Variants in TNXB observed in about 807,000 individuals in gnomAD.
TNXB encodes tenascin XB.
In TNXB, 183 loss-of-function variants were observed where a neutral mutation model predicts 340.5. The ratio of observed to expected loss-of-function variants is 0.54; its 90% confidence interval spans 0.48 to 0.61. TNXB has a LOEUF of 0.61. Among genes scored for constraint, TNXB ranks in the 20% least tolerant of loss-of-function variants. TNXB has a pLI of 0.00. For missense variants in TNXB, 4,613 were observed against 5,446.4 expected (o/e 0.85, Z 4.82); for synonymous variants, 2,121 against 2,314.5 (o/e 0.92, Z 2.40).
At position 32,053,822 on chromosome 6, in the gene TNXB, G is replaced by A. The variant is rs546233179; in HGVS notation, c.8468-111C>T. 1.2e-4 allele frequency: 148 copies of A among 1,252,476 alleles called. 1 individual carries two copies. The South Asian group carries it at 1.7e-3, about 14-fold the overall frequency. The allele number at this position is 1,252,476 out of a possible 1,614,324, so 77.6% of individuals were successfully genotyped here. A position where few individuals can be genotyped will look rare whatever the true frequency, so the allele number is the denominator to read the frequency against. ...AGAGCAGGACGATGCTGCCCACAGC[G>A]CCTCCAGCACAGCTCTTCATCCTCT... is the stretch of plus-strand genomic sequence containing the variant. On this transcript the variant is annotated intron_variant, in intron 24 of 43. Coordinates refer to ENST00000644971, the MANE Select transcript of TNXB (RefSeq NM_001365276.2).
chr6:32,083,200 C>T lies in TNXB; in HGVS notation c.3446-874G>A, dbSNP rs1428739632. ...CCTCCTTCCTGGAGTCCAGACAGCA[C>T]CCTCCCTGGTTCTGCCCCTCCCTGC... On this transcript the variant is annotated intron_variant, in intron 8 of 43. Coordinates refer to ENST00000644971, the MANE Select transcript of TNXB (RefSeq NM_001365276.2). This position sits in a 1 kb window ranked among gnomAD's most constrained non-coding sequence, Gnocchi z 4.6. 6.6e-6 allele frequency among the ~76,000 whole-genome samples: 1 copy of T among 152,138 alleles called. No individual in the cohort carries two copies. Among genetic ancestry groups the T allele is most frequent in the Non-Finnish European group, 1.5e-5 (1 of 68,030 alleles).
chr6:32,061,279 G>T lies in TNXB; in HGVS notation c.7492+118C>A. 6.9e-7 allele frequency: 1 copy of T among 1,442,418 alleles called. No individual in the cohort carries two copies. The highest frequency in any genetic ancestry group is 9.3e-7 in the Non-Finnish European group (1 of 1,072,966). The allele number at this position is 1,442,418 out of a possible 1,614,324, so 89.4% of individuals were successfully genotyped here. A position where few individuals can be genotyped will look rare whatever the true frequency, so the allele number is the denominator to read the frequency against. On this transcript the variant is annotated intron_variant, in intron 21 of 43. Transcript: ENST00000644971. The surrounding 1 kb of genome is among the most constrained non-coding windows in gnomAD (Gnocchi z 4.4). ...ATAGGCCACAGCCACAGGGCACAGAGGGAGGGCAGGACACAGGAGACAAGT... is the reference window on the plus strand; with the variant it reads ...ATAGGCCACAGCCACAGGGCACAGATGGAGGGCAGGACACAGGAGACAAGT...
In TNXB at chr6:32,084,772, T is replaced by G; in HGVS notation, c.3149-63A>C. Reference sequence around the variant, plus strand: ...CAACCGTTCTCTTGTCTGTGTCTCCTTCCCTCTCCCCTGCCCACCTCACTC... The same window carrying G: ...CAACCGTTCTCTTGTCTGTGTCTCCGTCCCTCTCCCCTGCCCACCTCACTC... On this transcript the variant is annotated intron_variant, in intron 7 of 43. Transcript: ENST00000644971. The surrounding 1 kb of genome is among the most constrained non-coding windows in gnomAD (Gnocchi z 5.5). 3.5e-6 allele frequency: 5 copies of G among 1,420,784 alleles called. No homozygotes were observed. The highest frequency in any genetic ancestry group is 3.7e-6 in the Non-Finnish European group (4 of 1,069,258). 88.0% of individuals were successfully genotyped at this position (1,420,784 alleles called of 1,614,324 possible).
intron 1 of TNXB, among the ~76,000 whole-genome samples, chr6:32,103,608 C>G (rs959310057): frequency 9.9e-5 from 15 of 152,096 alleles, no homozygotes; most frequent in African/African-American, 3.6e-4. Context: ...TCCAACCCAC[C>G]AAACAGCTCC....
At position 32,069,424 on chromosome 6, in the gene TNXB, G is replaced by C. The variant is rs557821162; in HGVS notation, c.5587+129C>G. The stretch of plus-strand genomic sequence containing the variant: ...GGGACTGGGGCAACTGACTCTAAAG[G>C]GGCACAAGGAAACTTTCTGGATCAA... On this transcript the variant is annotated intron_variant, in intron 15 of 43. Transcript: ENST00000644971. The surrounding 1 kb of genome is among the most constrained non-coding windows in gnomAD (Gnocchi z 6.2). 1 of 1,168,920 alleles carries C rather than the reference G, an allele frequency of 8.6e-7. No homozygotes were observed. The highest frequency in any genetic ancestry group is 1.5e-5 in the African/African-American group (1 of 64,676). 72.4% of individuals were successfully genotyped at this position (1,168,920 alleles called of 1,614,324 possible). A position where few individuals can be genotyped will look rare whatever the true frequency, so the allele number is the denominator to read the frequency against.
Position 32,087,069 on chromosome 6 carries a change from G to T in TNXB, c.2780-951C>A, listed in dbSNP as rs978367060. On this transcript the variant is annotated intron_variant, in intron 6 of 43. Coordinates refer to ENST00000644971, the MANE Select transcript of TNXB (RefSeq NM_001365276.2). This position sits in a 1 kb window ranked among gnomAD's most constrained non-coding sequence, Gnocchi z 9.0. ...GATGCCAGGACCCTGGGGTGGGGAC[G>T]TCTTCTAGGGACAATGGACTCGTGC... 1.3e-5 allele frequency among the ~76,000 whole-genome samples: 2 copies of T among 152,266 alleles called. No homozygotes were observed. Among genetic ancestry groups the T allele is most frequent in the Non-Finnish European group, 2.9e-5 (2 of 68,052 alleles).
At position 32,046,183 on chromosome 6, in the gene TNXB, C is replaced by T. The variant is rs1371142796; in HGVS notation, c.10598G>A (p.Gly3533Glu). The change falls in exon 31 of 44, where the codon GGA becomes GAA. Residue 3533 changes from glycine to glutamate, a missense_variant. By Grantham distance (98) the Gly-to-Glu change is moderately conservative (BLOSUM62 -2). Around this residue, in one of 7 missense-constraint regions of TNXB, gnomAD observed 4,327 missense variants for 4,859.4 expected, o/e 0.89. Coordinates refer to ENST00000644971, the MANE Select transcript of TNXB (RefSeq NM_001365276.2). This position sits in a 1 kb window ranked among gnomAD's most constrained non-coding sequence, Gnocchi z 6.9. ...GKRLGPVSAL[G>E]MTAPEEDTPA... ...AGGCACAGCAGCCTCACCTGTCATT[C>T]CCAGGGCAGAGACCGGGCCCAGGCG... The T allele has an allele frequency of 6.3e-7, 1 of 1,582,472 alleles. No individual in the cohort carries two copies. Among genetic ancestry groups the T allele is most frequent in the Admixed American group, 1.7e-5 (1 of 59,618 alleles).
At position 32,081,653 on chromosome 6, in the gene TNXB, G is replaced by T. The variant is rs1438661354; in HGVS notation, c.3757C>A (p.Pro1253Thr). 6.3e-7 allele frequency: 1 copy of T among 1,588,474 alleles called. No individual in the cohort carries two copies. The highest frequency in any genetic ancestry group is 1.3e-5 in the African/African-American group (1 of 74,612). ...GTTAPERKEE[P>T]PRPEFLEQPL... ...TGCTCCAGGAACTCAGGGCGGGGGG[G>T]CTCCTCTTTCCTCTCTGGAGCTGTA... Residue 1253 changes from proline (P) to threonine (T), a missense_variant, in exon 10 of 44, where the codon CCC becomes ACC. This residue lies in a region of TNXB where 4,327 missense variants were observed against 4,859.4 expected (regional missense o/e 0.89). Transcript: ENST00000644971. This position sits in a 1 kb window ranked among gnomAD's most constrained non-coding sequence, Gnocchi z 5.1.
chr6:32,048,318 G>C, intron 29 of TNXB, 45 bp downstream of exon 29: 1 of 1,471,446 alleles, frequency 6.8e-7, no homozygotes, highest in Non-Finnish European at 9.0e-7. Context: ...GGTGCCACAA[G>C]GGGGCGAAGG....
rs2151915835 is a variant in TNXB, at chr6:32,069,524, C to T, written c.5587+29G>A. ...CCAGGAGAGCCAGGCGGGAAGGAGG[C>T]ACAGGTGTTCCAGCTGCCGCACACT... On this transcript the variant is annotated intron_variant, in intron 15 of 43. Transcript: ENST00000644971. This position sits in a 1 kb window ranked among gnomAD's most constrained non-coding sequence, Gnocchi z 6.2. 1 of 1,529,086 alleles carries T rather than the reference C, an allele frequency of 6.5e-7. No homozygotes were observed. The highest frequency in any genetic ancestry group is 8.8e-7 in the Non-Finnish European group (1 of 1,135,998). The allele number at this position is 1,529,086 out of a possible 1,614,324, so 94.7% of individuals were successfully genotyped here.
At position 32,046,114 on chromosome 6, in the gene TNXB, C is replaced by A. The variant is rs11968543; in HGVS notation, c.10606+61G>T. ...CTCCTGCAGTCATCTTTGTCTTCAGCCCAAATGCACAAGGAAACCCACACA... is the reference window on the plus strand; with the variant it reads ...CTCCTGCAGTCATCTTTGTCTTCAGACCAAATGCACAAGGAAACCCACACA... On this transcript the variant is annotated intron_variant, in intron 31 of 43. Coordinates refer to ENST00000644971, the MANE Select transcript of TNXB (RefSeq NM_001365276.2). This position sits in a 1 kb window ranked among gnomAD's most constrained non-coding sequence, Gnocchi z 6.9. 1.2e-5 allele frequency: 18 copies of A among 1,540,778 alleles called. No homozygotes were observed. The highest frequency in any genetic ancestry group is 8.9e-5 in the Admixed American group (5 of 56,208).
Position 32,061,588 on chromosome 6 carries a change from G to A in TNXB, c.7301C>T (p.Pro2434Leu), listed in dbSNP as rs1212684690. 6.2e-7 allele frequency: 1 copy of A among 1,613,252 alleles called. No homozygotes were observed. Among genetic ancestry groups the A allele is most frequent in the East Asian group, 2.2e-5 (1 of 44,876 alleles). Residue 2434 changes from proline (P) to leucine (L), a missense_variant, in exon 21 of 44, where the codon CCC becomes CTC. Physicochemically the swap from Pro to Leu is moderately conservative, Grantham distance 98 (BLOSUM62 -3). This residue lies in a region of TNXB where 4,327 missense variants were observed against 4,859.4 expected (regional missense o/e 0.89). Coordinates refer to ENST00000644971, the MANE Select transcript of TNXB (RefSeq NM_001365276.2). The surrounding 1 kb of genome is among the most constrained non-coding windows in gnomAD (Gnocchi z 4.4). Reference protein sequence around the residue: ...PDSLSLSWTVPQGRFDSFTVQ... With the variant: ...PDSLSLSWTVLQGRFDSFTVQ... ...GGTGAAGGAGTCGAAGCGGCCCTGG[G>A]GGACGGTCCAGGAGAGGCTCAGCGA...
Position 32,068,987 on chromosome 6 carries a change from T to C in TNXB, c.5737A>G (p.Ile1913Val). The change falls in exon 16 of 44, where the codon ATC becomes GTC. Residue 1913 changes from isoleucine to valine, a missense_variant. Transcript: ENST00000644971. This position sits in a 1 kb window ranked among gnomAD's most constrained non-coding sequence, Gnocchi z 5.3. ...VTEGEFDSFE[I>V]QYTDRDGQLQ... ...TGCCCGTCTCTATCTGTGTACTGGATTTCGAAGGAGTCAAATTCTCCCTCA... is the reference window on the plus strand; with the variant it reads ...TGCCCGTCTCTATCTGTGTACTGGACTTCGAAGGAGTCAAATTCTCCCTCA... The C allele has an allele frequency of 1.2e-6, 2 of 1,612,864 alleles. No homozygotes were observed. Among genetic ancestry groups the C allele is most frequent in the Non-Finnish European group, 1.7e-6 (2 of 1,179,888 alleles).
In TNXB at chr6:32,049,182, C is replaced by T; in HGVS notation, c.9757+88G>A. 1 of 1,459,928 alleles carries T rather than the reference C, an allele frequency of 6.8e-7. No individual in the cohort carries two copies. Among genetic ancestry groups the T allele is most frequent in the Non-Finnish European group, 9.1e-7 (1 of 1,100,750 alleles). The allele number at this position is 1,459,928 out of a possible 1,614,324, so 90.4% of individuals were successfully genotyped here. ...GAGAAAAGACAGAAACCTAGAGGCCCAGTCAAAAGAGGTGCCAAGATCCAA... is the reference window on the plus strand; with the variant it reads ...GAGAAAAGACAGAAACCTAGAGGCCTAGTCAAAAGAGGTGCCAAGATCCAA... On this transcript the variant is annotated intron_variant, in intron 28 of 43. Transcript: ENST00000644971. This position sits in a 1 kb window ranked among gnomAD's most constrained non-coding sequence, Gnocchi z 4.5.
chr6:32,067,857 G>C lies in TNXB; in HGVS notation c.6348C>G (p.Thr2116=), dbSNP rs143840297. 1 of 1,613,000 alleles carries C rather than the reference G, an allele frequency of 6.2e-7. No homozygotes were observed. The highest frequency in any genetic ancestry group is 8.5e-7 in the Non-Finnish European group (1 of 1,179,900). Residue 2116 remains threonine (T), a synonymous_variant, in exon 18 of 44, where the codon ACC becomes ACG. Transcript: ENST00000644971. The surrounding 1 kb of genome is among the most constrained non-coding windows in gnomAD (Gnocchi z 4.2). ...AGGAGTCGAAGCGGCCCTGGGGGAC[G>C]GTCCAGGAGAGGCTCAGCGAGTCAG... The part of the protein sequence containing the change: ...SSPDSLSLSW[T]VPQGRFDSFT...
chr6:32,067,652 C>T lies in TNXB; in HGVS notation c.6544+9G>A. 1 of 1,612,046 alleles carries T rather than the reference C, an allele frequency of 6.2e-7. No individual in the cohort carries two copies. ...ACCCAACCCAGAGGGCTCTGCAGTGCACACTCACCCGTGACGCCCACAGCA... is the reference window on the plus strand; with the variant it reads ...ACCCAACCCAGAGGGCTCTGCAGTGTACACTCACCCGTGACGCCCACAGCA... On this transcript the variant is annotated intron_variant, in intron 18 of 43. Coordinates refer to ENST00000644971, the MANE Select transcript of TNXB (RefSeq NM_001365276.2). This position sits in a 1 kb window ranked among gnomAD's most constrained non-coding sequence, Gnocchi z 4.2.
At position 32,072,268 on chromosome 6, in the gene TNXB, G is replaced by T. The variant is rs774295104; in HGVS notation, c.4712C>A (p.Ala1571Asp). 1.2e-6 allele frequency: 2 copies of T among 1,604,602 alleles called. No homozygotes were observed. Among genetic ancestry groups the T allele is most frequent in the Non-Finnish European group, 1.7e-6 (2 of 1,174,704 alleles). The part of the protein sequence containing the change: ...APLPPAPATE[A>D]SKPPLEPRLG... ...GCGTGGCTCCAGGGGAGGCTTGGAG[G>T]CCTCTGTGGCTGGGGCTGGTGGGAG... The change falls in exon 13 of 44, where the codon GCC becomes GAC. Residue 1571 changes from alanine to aspartate, a missense_variant. Ala to Asp is a moderately radical substitution (Grantham distance 126). Coordinates refer to ENST00000644971, the MANE Select transcript of TNXB (RefSeq NM_001365276.2). The surrounding 1 kb of genome is among the most constrained non-coding windows in gnomAD (Gnocchi z 4.4).
rs369074210 is a variant in TNXB, at chr6:32,069,608, G to A, written c.5532C>T (p.Leu1844=). Residue 1844 remains leucine (L), a synonymous_variant, in exon 15 of 44, where the codon CTC becomes CTT. Coordinates refer to ENST00000644971, the MANE Select transcript of TNXB (RefSeq NM_001365276.2). This position sits in a 1 kb window ranked among gnomAD's most constrained non-coding sequence, Gnocchi z 6.2. ...CACGCTTGCCGTGGTGCAGCCCGTA[G>A]AGCAGCAGCTTGTACCTGTGGGCAG... The part of the protein sequence containing the change: ...LDPAHRYKLL[L]YGLHHGKRVG... 1 of 1,607,028 alleles carries A rather than the reference G, an allele frequency of 6.2e-7. No homozygotes were observed. The highest frequency in any genetic ancestry group is 1.3e-5 in the African/African-American group (1 of 74,810).
At position 32,108,814 on chromosome 6, in the gene TNXB, C is replaced by T. The variant is rs1428267071; in HGVS notation, c.-9+367G>A. ...ACCAGTTCAGCCTAGTCCTATCTTC[C>T]CGCTAGCCCCAGCACCTCCAGGGCC... On this transcript the variant is annotated intron_variant, in intron 1 of 43. Coordinates refer to ENST00000644971, the MANE Select transcript of TNXB (RefSeq NM_001365276.2). This position sits in a 1 kb window ranked among gnomAD's most constrained non-coding sequence, Gnocchi z 4.8. Among the ~76,000 whole-genome samples the T allele has an allele frequency of 6.6e-6, 1 of 152,126 alleles. No homozygotes were observed. The highest frequency in any genetic ancestry group is 1.5e-5 in the Non-Finnish European group (1 of 68,004).
Sources: gnomAD v4.1 joint callset for allele counts (sites outside exome capture counted in the v4.1 genomes callset) on GRCh38, gnomAD v4.1.1 for gene constraint, gnomAD v4.1.1 regional missense constraint, Gnocchi (gnomAD v3.1) non-coding constraint, MANE v1.5 for transcripts, NCBI Gene and HGNC (gene_info 2026-07-23, HGNC 2026-07-21) for gene names.